Variants in DENND1A observed in about 807,000 individuals in gnomAD.
DENND1A encodes the protein DENN domain containing 1A.
In DENND1A, 51 loss-of-function variants were observed where a neutral mutation model predicts 113.7. The ratio of observed to expected loss-of-function variants is 0.45; its 90% CI spans 0.36 to 0.57. The LOEUF (loss-of-function observed/expected upper bound fraction) is 0.57. DENND1A is among the 20% of genes least tolerant of loss of function. The pLI is 0.00. For missense variants in DENND1A, 1,258 were observed against 1,395.9 expected (o/e 0.90, Z 1.57); for synonymous variants, 565 against 570.8 (o/e 0.99, Z 0.14).
At chr9:123,811,532 G>A (rs1030145735) in intron 2 of DENND1A, among the ~76,000 whole-genome samples, 2 of 152,144 alleles carry the variant, frequency 1.3e-5, no homozygotes, top group Non-Finnish European at 2.9e-5. Context: ...GGCTGAGGCG[G>A]GCAGATCACA....
At chr9:123,770,586 A>G (rs922245339) in intron 3 of DENND1A, among the ~76,000 whole-genome samples, 1 of 152,244 alleles carries the variant, frequency 6.6e-6, no homozygotes, top group African/African-American at 2.4e-5. Context: ...GGTGCTTATC[A>G]TAAGTTCATA....
chr9:123,605,815 G>T (rs1477877691), intron 11 of DENND1A, among the ~76,000 whole-genome samples: 1 of 152,158 alleles, frequency 6.6e-6, no homozygotes, highest in Non-Finnish European at 1.5e-5. Context: ...CATAAAAATG[G>T]TTAAAAAGTC....
At chr9:123,391,815 C>G (rs1011075915) in intron 21 of DENND1A, among the ~76,000 whole-genome samples, 4 of 150,320 alleles carry the variant, frequency 2.7e-5, no homozygotes, top group Non-Finnish European at 4.4e-5. Flanking sequence ...TTCAGCTACT[C>G]CCCTGCGGTC....
intron 5 of DENND1A, among the ~76,000 whole-genome samples, chr9:123,746,143 C>T (rs143957907): frequency 3.5e-4 from 53 of 152,230 alleles, no homozygotes; most frequent in Middle Eastern, 6.8e-3. Context: ...GTACATTTGA[C>T]GCCCTTTTCT....
intron 1 of DENND1A, among the ~76,000 whole-genome samples, chr9:123,917,094 G>T (rs1008605108): frequency 1.3e-5 from 2 of 152,012 alleles, no homozygotes; most frequent in Admixed American, 1.3e-4. Flanking sequence ...TGAAGCAGGA[G>T]AATCACTCGA....
intron 12 of DENND1A, among the ~76,000 whole-genome samples, chr9:123,580,566 C>G (rs1424336806): frequency 6.6e-6 from 1 of 152,242 alleles, no homozygotes; most frequent in Non-Finnish European, 1.5e-5. Context: ...CATGCTGCCC[C>G]AGGGCCCTTG....
At chr9:123,427,109 C>T (rs1421540545) in intron 19 of DENND1A, among the ~76,000 whole-genome samples, 1 of 152,256 alleles carries the variant, frequency 6.6e-6, no homozygotes, top group Non-Finnish European at 1.5e-5. Context: ...GAGGACCAAA[C>T]TTGTTGGGGT....
intron 1 of DENND1A, among the ~76,000 whole-genome samples, chr9:123,882,810 G>A (rs766725852): frequency 2.6e-5 from 4 of 152,180 alleles, no homozygotes; most frequent in African/African-American, 9.7e-5. Context: ...CCCACAATAT[G>A]AATACACATA....
chr9:123,654,444 G>A (rs534411592), intron 8 of DENND1A, among the ~76,000 whole-genome samples: 5 of 152,200 alleles, frequency 3.3e-5, no homozygotes, highest in Admixed American at 1.3e-4. Flanking sequence ...ACAGCTTGCC[G>A]TCCAAATAGG....
At chr9:123,711,988 C>T (rs1276521699) in intron 5 of DENND1A, among the ~76,000 whole-genome samples, 1 of 152,164 alleles carries the variant, frequency 6.6e-6, no homozygotes, top group Non-Finnish European at 1.5e-5. Context: ...TTCCTTTCAT[C>T]CCTGATGCAT....
At chr9:123,390,616 G>A (rs1197504160) in intron 21 of DENND1A, among the ~76,000 whole-genome samples, 2 of 152,238 alleles carry the variant, frequency 1.3e-5, no homozygotes, top group African/African-American at 4.8e-5. Context: ...CCAACCAAGA[G>A]GCGCTTTGAG....
At chr9:123,796,527 T>A (rs887469196) in intron 2 of DENND1A, among the ~76,000 whole-genome samples, 1 of 152,168 alleles carries the variant, frequency 6.6e-6, no homozygotes, top group African/African-American at 2.4e-5. Flanking sequence ...ATATACCAGA[T>A]TGCTACAGAA....
intron 8 of DENND1A, among the ~76,000 whole-genome samples, chr9:123,666,738 T>C (rs2063509623): frequency 6.6e-6 from 1 of 152,182 alleles, no homozygotes; most frequent in South Asian, 2.1e-4. Context: ...TAAAAATACA[T>C]TCTAAAAAGA....
intron 20 of DENND1A, among the ~76,000 whole-genome samples, chr9:123,408,914 C>T (rs1588382845): frequency 6.6e-6 from 1 of 152,192 alleles, no homozygotes; most frequent in Admixed American, 6.5e-5. Context: ...GATTCCCTGC[C>T]CGCCTTGGAT....
intron 21 of DENND1A, 104 bp downstream of exon 21, chr9:123,403,298 G>A (rs563415608): frequency 5.5e-5 from 64 of 1,157,986 alleles, no homozygotes; most frequent in East Asian, 4.8e-4. Flanking sequence ...TGGGAGCCCC[G>A]GGGAAGCCTC....
At chr9:123,681,028 G>C (rs1186395457) in intron 5 of DENND1A, among the ~76,000 whole-genome samples, 1 of 152,110 alleles carries the variant, frequency 6.6e-6, no homozygotes, top group Non-Finnish European at 1.5e-5. Context: ...GTCCCACTGA[G>C]GGGTCATTGG....
At chr9:123,789,382 A>G (rs1254802773) in intron 3 of DENND1A, among the ~76,000 whole-genome samples, 1 of 152,174 alleles carries the variant, frequency 6.6e-6, no homozygotes, top group Non-Finnish European at 1.5e-5. Flanking sequence ...AGTAAGATCT[A>G]TCAGAGCTGA....
chr9:123,475,900 T>G (rs2049871994), intron 13 of DENND1A, among the ~76,000 whole-genome samples: 1 of 152,090 alleles, frequency 6.6e-6, no homozygotes, highest in Admixed American at 6.6e-5. Flanking sequence ...AATGTTTGGG[T>G]GGGCTGGGCA....
chr9:123,487,026 C>G (rs2050936704), intron 13 of DENND1A, among the ~76,000 whole-genome samples: 1 of 152,194 alleles, frequency 6.6e-6, no homozygotes, highest in African/African-American at 2.4e-5. Flanking sequence ...TGCACAGACA[C>G]TGGAGTTGAG....
Sources: allele counts gnomAD v4.1 joint callset (sites outside exome capture counted in the v4.1 genomes callset), GRCh38; gene constraint gnomAD v4.1.1; transcripts MANE v1.5; gene names NCBI Gene and HGNC (gene_info 2026-07-23, HGNC 2026-07-21).